YPEL2: variants seen among roughly 807,000 people sequenced by gnomAD.
YPEL2 encodes the protein protein yippee-like 2.
Under a neutral mutation model 19.1 loss-of-function variants are expected in YPEL2, and 2 were observed. The observed-to-expected ratio is 0.10, with a 90% CI of 0.04 to 0.33. YPEL2 has a LOEUF of 0.33. Ranked by LOEUF, YPEL2 falls within the 10% of genes least tolerant of loss-of-function variation. The pLI, the probability that YPEL2 is intolerant of heterozygous loss-of-function variation, is 1.00. For missense variants in YPEL2, 66 were observed against 140.7 expected (o/e 0.47, Z 2.68); for synonymous variants, 52 against 50.0 (o/e 1.04, Z -0.17).
chr17:59,395,047 C>T (rs1244246120), intron 4 of YPEL2, among the ~76,000 whole-genome samples: 1 of 152,240 alleles, frequency 6.6e-6, no homozygotes. Flanking sequence ...CAGTACAGTC[C>T]AGCTTCGGCT....
intron 2 of YPEL2, among the ~76,000 whole-genome samples, chr17:59,383,186 T>A (rs1426254620): frequency 1.3e-5 from 2 of 152,186 alleles, no homozygotes; most frequent in Non-Finnish European, 2.9e-5. Context: ...TTAAAAATTT[T>A]ATTTTTATAT....
chr17:59,372,988 C>T (rs2047904041), intron 2 of YPEL2, among the ~76,000 whole-genome samples: 1 of 152,318 alleles, frequency 6.6e-6, no homozygotes, highest in South Asian at 2.1e-4. Flanking sequence ...ATTCTCCTGC[C>T]TCAGCCTCCT....
chr17:59,391,715 T>A lies in YPEL2; in HGVS notation c.270+2247T>A, dbSNP rs1434658494. ...GAGTTCGAGACCCGCCTGGCCAACA[T>A]ATAGTGAAACTCCGTCTCTACCAAA... is the stretch of plus-strand genomic sequence containing the variant. On this transcript the variant is annotated intron_variant, in intron 4 of 4. Coordinates refer to ENST00000312655, the MANE Select transcript of YPEL2 (RefSeq NM_001005404.4). 2.0e-5 allele frequency among the ~76,000 whole-genome samples: 3 copies of A among 151,942 alleles called. No homozygotes were observed. The East Asian group carries it at 5.8e-4, about 29-fold the overall frequency.
intron 1 of YPEL2, among the ~76,000 whole-genome samples, chr17:59,332,736 C>T (rs1352992030): frequency 1.3e-5 from 2 of 152,210 alleles, no homozygotes; most frequent in Non-Finnish European, 2.9e-5. Context: ...GTCTTGTTTT[C>T]CTCCGCTTGG....
intron 1 of YPEL2, among the ~76,000 whole-genome samples, chr17:59,352,867 G>T (rs1208242633): frequency 6.6e-6 from 1 of 152,188 alleles, no homozygotes; most frequent in East Asian, 1.9e-4. Context: ...TGGCTCAGGA[G>T]AGGGGGTCCC....
intron 2 of YPEL2, among the ~76,000 whole-genome samples, chr17:59,386,609 C>T (rs1004142323): frequency 6.6e-6 from 1 of 152,074 alleles, no homozygotes; most frequent in African/African-American, 2.4e-5. Flanking sequence ...GGAGAGGTGG[C>T]ATGGCCAGGT....
chr17:59,377,864 A>G (rs185868917), intron 2 of YPEL2, among the ~76,000 whole-genome samples: 155 of 152,312 alleles, frequency 1.0e-3, no homozygotes, highest in African/African-American at 3.6e-3. Context: ...AAATCCTGAA[A>G]GCCTGTGCTG....
rs2047879797 is a variant in YPEL2, at chr17:59,368,155, C to G, written c.117+14629C>G. On this transcript the variant is annotated intron_variant, in intron 2 of 4. Transcript: ENST00000312655. Reference sequence around the variant, plus strand: ...CTAGAGTACAGAGGCATGATCACAACTCACTGCAGCCACAACTTCCCAGGC... The same window carrying G: ...CTAGAGTACAGAGGCATGATCACAAGTCACTGCAGCCACAACTTCCCAGGC... Among the ~76,000 whole-genome samples the G allele has an allele frequency of 2.0e-5, 3 of 152,214 alleles. No homozygotes were observed. In the South Asian group the frequency reaches 6.2e-4, roughly 32 times the overall value.
At chr17:59,361,511 A>G (rs2047840724) in intron 2 of YPEL2, among the ~76,000 whole-genome samples, 1 of 152,172 alleles carries the variant, frequency 6.6e-6, no homozygotes, top group African/African-American at 2.4e-5. Context: ...TGAGGAGATG[A>G]TTGTGACATC....
intron 2 of YPEL2, among the ~76,000 whole-genome samples, chr17:59,372,863 A>G (rs966140243): frequency 2.0e-5 from 3 of 152,220 alleles, no homozygotes; most frequent in African/African-American, 7.2e-5. Context: ...CATGGGACAT[A>G]CAGTGTAGTG....
intron 4 of YPEL2, among the ~76,000 whole-genome samples, chr17:59,389,737 C>A (rs926383683): frequency 6.6e-6 from 1 of 151,686 alleles, no homozygotes; most frequent in Non-Finnish European, 1.5e-5. Flanking sequence ...CGACAGCTCA[C>A]TAGATGCCAG....
chr17:59,387,275 A>T (rs992155471), intron 2 of YPEL2, among the ~76,000 whole-genome samples: 7 of 151,802 alleles, frequency 4.6e-5, no homozygotes, highest in African/African-American at 1.7e-4. Flanking sequence ...AAAAAAAAAA[A>T]AAAAAGAATT....
chr17:59,383,885 T>TAAAGA, intron 2 of YPEL2, among the ~76,000 whole-genome samples: 2 of 152,090 alleles, frequency 1.3e-5, no homozygotes, highest in Middle Eastern at 6.8e-3. Flanking sequence ...TAGTAGTATA[T>TAAAGA]GGATATACCA....
rs146915583 is a variant in YPEL2, at chr17:59,344,994, C to T, written c.-195-8221C>T. ...TTGGGATGAAACTGTTCCACCTCAG[C>T]TCATCAGGCATTAGTTAGATTCTCA... On this transcript the variant is annotated intron_variant, in intron 1 of 4. Transcript: ENST00000312655. Among the ~76,000 whole-genome samples the T allele has an allele frequency of 1.6e-3, 239 of 152,260 alleles. 1 individual carries two copies. Among genetic ancestry groups the T allele is most frequent in the African/African-American group, 4.9e-3 (205 of 41,546 alleles).
chr17:59,394,766 G>C (rs536295466), intron 4 of YPEL2, among the ~76,000 whole-genome samples: 7 of 152,326 alleles, frequency 4.6e-5, no homozygotes, highest in African/African-American at 1.7e-4. Flanking sequence ...GTAGCGAGCC[G>C]AGATCACGCC....
intron 1 of YPEL2, among the ~76,000 whole-genome samples, chr17:59,351,835 A>G (rs1195117310): frequency 6.6e-6 from 1 of 152,208 alleles, no homozygotes; most frequent in East Asian, 1.9e-4. Flanking sequence ...GGGCTGCAGA[A>G]GAGAAGTGCT....
At chr17:59,342,599 T>C (rs1237857842) in intron 1 of YPEL2, among the ~76,000 whole-genome samples, 1 of 152,108 alleles carries the variant, frequency 6.6e-6, no homozygotes, top group Non-Finnish European at 1.5e-5. Context: ...TCACAGATCA[T>C]GGGAAAAATC....
At chr17:59,388,463 C>T in intron 3 of YPEL2, 93 bp downstream of exon 3, 1 of 1,258,950 alleles carries the variant, frequency 7.9e-7, no homozygotes, top group Admixed American at 1.7e-5. Context: ...ATGAACCCTG[C>T]CCTGTCTGCC....
intron 2 of YPEL2, among the ~76,000 whole-genome samples, chr17:59,385,681 TGAG>T (rs947180731): frequency 6.6e-6 from 1 of 152,162 alleles, no homozygotes; most frequent in African/African-American, 2.4e-5. Context: ...CAGAGGGATA[TGAG>T]GAGATGTTTG....
Sources: gnomAD v4.1 joint callset for allele counts (sites outside exome capture counted in the v4.1 genomes callset) on GRCh38, gnomAD v4.1.1 for gene constraint, MANE v1.5 for transcripts, NCBI Gene and HGNC (gene_info 2026-07-23, HGNC 2026-07-21) for gene names.